Variants in MARCHF7 observed in about 807,000 individuals in gnomAD.
MARCHF7 encodes membrane associated ring-CH-type finger 7, also known as E3 ubiquitin-protein ligase MARCHF7.
MARCHF7 carries 20 observed loss-of-function variants against 76.5 expected under a neutral mutation model. That is an observed-to-expected ratio of 0.26 (90% CI 0.18 to 0.38). The LOEUF (loss-of-function observed/expected upper bound fraction) is 0.38, where lower values mean the gene tolerates loss of function less well. Ranked by LOEUF, MARCHF7 falls within the 10% of genes least tolerant of loss-of-function variation. The pLI is 1.00. For missense variants in MARCHF7, 797 were observed against 812.9 expected (o/e 0.98, Z 0.24); for synonymous variants, 295 against 293.0 (o/e 1.01, Z -0.07).
rs1446660013 is a variant in MARCHF7 at position 159,714,265 on chromosome 2, T to G, written c.-142-292T>G. 2.0e-5 allele frequency among the ~76,000 whole-genome samples: 3 copies of G among 152,268 alleles called. No homozygotes were observed. The South Asian group carries it at 6.2e-4, about 31-fold the overall frequency. On this transcript the variant is annotated intron_variant, in intron 1 of 11. Transcript: ENST00000409175. ...AATATCTTAAAACTTTTTTAGATAA[T>G]TTGTAATTTGTTGTAGTCAAATTAC...
At position 159,764,632 on chromosome 2, in the gene MARCHF7, A is replaced by G. The variant is rs983324128; in HGVS notation, c.2014A>G (p.Asn672Asp). ...NEPSTRVRFI[N>D]LARTLQAHME... ...CTTTCTGCATTGTTTCTAGTTTATT[A>G]ACCTTGCAAGAACTCTTCAGGCACA... Residue 672 changes from asparagine to aspartate, a missense_variant, in exon 11 of 12, where the codon AAC (asparagine) becomes GAC (aspartate). Asn to Asp is a conservative substitution (Grantham distance 23). Around this residue, in one of 3 missense-constraint regions of MARCHF7, gnomAD observed 124 missense variants for 121.3 expected, o/e 1.02. Transcript: ENST00000409175. 5.0e-6 allele frequency: 8 copies of G among 1,598,362 alleles called. No homozygotes were observed. Among genetic ancestry groups the G allele is most frequent in the Admixed American group, 1.7e-5 (1 of 57,394 alleles).
intron 4 of MARCHF7, among the ~76,000 whole-genome samples, chr2:159,731,693 G>A (rs1357470457): frequency 6.6e-6 from 1 of 151,660 alleles, no homozygotes; most frequent in African/African-American, 2.4e-5. Flanking sequence ...GACGGAAGTT[G>A]CCATGAGCCA....
chr2:159,715,740 T>C lies in MARCHF7; in HGVS notation c.-41T>C, dbSNP rs1473899154. 2 of 152,168 alleles carry C rather than the reference T, an allele frequency of 1.3e-5. No homozygotes were observed. Among genetic ancestry groups the C allele is most frequent in the Non-Finnish European group, 2.9e-5 (2 of 68,018 alleles). 9.4% of individuals were successfully genotyped at this position (152,168 alleles called of 1,614,324 possible). On this transcript the variant is annotated 5_prime_UTR_variant, in exon 3 of 12. Coordinates refer to ENST00000409175, the MANE Select transcript of MARCHF7 (RefSeq NM_001282805.2). Reference sequence around the variant, plus strand: ...CTGGTTTTTCCTGCCCTCAAATATATTTCTCTGACTCTACCGGTTAGACTA... The same window carrying C: ...CTGGTTTTTCCTGCCCTCAAATATACTTCTCTGACTCTACCGGTTAGACTA...
chr2:159,754,700 G>T (rs1223610375), intron 8 of MARCHF7, among the ~76,000 whole-genome samples: 1 of 152,170 alleles, frequency 6.6e-6, no homozygotes, highest in East Asian at 1.9e-4. Flanking sequence ...CAAGTTGAGT[G>T]GTTGTCCTAT....
intron 10 of MARCHF7, among the ~76,000 whole-genome samples, chr2:159,764,303 GGTTTTTT>G (rs1171076646): frequency 3.3e-5 from 5 of 150,306 alleles, no homozygotes; most frequent in East Asian, 3.9e-4. Context: ...ATACAAGGGT[GGTTTTTT>G]GTTTTTTGTT....
chr2:159,762,833 T>G (rs755085419), intron 9 of MARCHF7, 47 bp from the exon 10 acceptor site: 1 of 1,165,592 alleles, frequency 8.6e-7, no homozygotes, highest in Admixed American at 2.0e-5. Context: ...CTACTAATTT[T>G]TCATTCTCTG....
At chr2:159,743,381 C>A in intron 5 of MARCHF7, 128 bp downstream of exon 5, 1 of 770,226 alleles carries the variant, frequency 1.3e-6, no homozygotes, top group Non-Finnish European at 2.0e-6. Context: ...GTGGAATTTC[C>A]AAAATCTTAC....
chr2:159,720,962 A>G (rs924489113), intron 3 of MARCHF7, among the ~76,000 whole-genome samples: 1 of 151,802 alleles, frequency 6.6e-6, no homozygotes. Flanking sequence ...GATTCAAGCA[A>G]TTCTCCTGCC....
chr2:159,738,579 C>A (rs768056671), intron 4 of MARCHF7, among the ~76,000 whole-genome samples: 1 of 152,112 alleles, frequency 6.6e-6, no homozygotes, highest in Non-Finnish European at 1.5e-5. Flanking sequence ...GTCATCCCAA[C>A]GAGTGTGTAG....
chr2:159,716,406 G>A (rs559981888), intron 3 of MARCHF7, among the ~76,000 whole-genome samples: 1 of 152,072 alleles, frequency 6.6e-6, no homozygotes, highest in Non-Finnish European at 1.5e-5. Flanking sequence ...CAGCGCTTTG[G>A]GAGGCCGAGA....
intron 3 of MARCHF7, among the ~76,000 whole-genome samples, chr2:159,726,218 G>GGTTTTGTTTTGTTTTGTTTT (rs71969424): frequency 1.6e-5 from 2 of 127,856 alleles, no homozygotes; most frequent in African/African-American, 2.6e-5. Context: ...TCCAGATACA[G>GGTTTTGTTTTGTTTTGTTTT]GTTTTGTTTT....
chr2:159,762,258 TG>T (rs1406718869), intron 9 of MARCHF7, among the ~76,000 whole-genome samples: 1 of 152,234 alleles, frequency 6.6e-6, no homozygotes, highest in African/African-American at 2.4e-5. Flanking sequence ...CAAGGCAGCT[TG>T]GAAGTGGGAG....
In MARCHF7 at chr2:159,759,266, A is replaced by C. The variant is rs1200107709; in HGVS notation, c.1824A>C (p.Lys608Asn). ...CTGTAACCACCTGTGAACTATGTAA[A>C]GAGAAGTTGGAGCTTAACCTGGAGG... ...LEAVTTCELC[K>N]EKLELNLEDF... Residue 608 changes from lysine (K) to asparagine (N), a missense_variant, in exon 9 of 12, where the codon AAA becomes AAC. Lys to Asn is a moderately conservative substitution (Grantham distance 94, BLOSUM62 0). Around this residue, in one of 3 missense-constraint regions of MARCHF7, gnomAD observed 124 missense variants for 121.3 expected, o/e 1.02. Coordinates refer to ENST00000409175, the MANE Select transcript of MARCHF7 (RefSeq NM_001282805.2). The C allele has an allele frequency of 1.9e-6, 3 of 1,611,716 alleles. No homozygotes were observed. Among genetic ancestry groups the C allele is most frequent in the Middle Eastern group, 1.6e-4 (1 of 6,066 alleles).
At chr2:159,739,897 T>C (rs911827834) in intron 4 of MARCHF7, among the ~76,000 whole-genome samples, 3 of 152,216 alleles carry the variant, frequency 2.0e-5, no homozygotes, top group African/African-American at 7.2e-5. Flanking sequence ...GTCATGAAAA[T>C]TGTTTAATGA....
chr2:159,736,683 G>A (rs1214942788), intron 4 of MARCHF7, among the ~76,000 whole-genome samples: 2 of 152,110 alleles, frequency 1.3e-5, no homozygotes, highest in Non-Finnish European at 2.9e-5. Context: ...TGATTTCATT[G>A]ACTATACTTC....
chr2:159,761,279 C>G (rs1182653543), intron 9 of MARCHF7, among the ~76,000 whole-genome samples: 2 of 151,970 alleles, frequency 1.3e-5, no homozygotes, highest in Non-Finnish European at 2.9e-5. Context: ...CCGCCTCGGC[C>G]TCCCAAAGTG....
At position 159,764,656 on chromosome 2, in the gene MARCHF7, C is replaced by A; in HGVS notation, c.2038C>A (p.His680Asn). 1 of 1,603,078 alleles carries A rather than the reference C, an allele frequency of 6.2e-7. No individual in the cohort carries two copies. The highest frequency in any genetic ancestry group is 8.5e-7 in the Non-Finnish European group (1 of 1,175,264). Reference sequence around the variant, plus strand: ...TAACCTTGCAAGAACTCTTCAGGCACATATGGAAGATCTCGAAAGTAGGTG... The same window carrying A: ...TAACCTTGCAAGAACTCTTCAGGCAAATATGGAAGATCTCGAAAGTAGGTG... ...FINLARTLQA[H>N]MEDLETSEDD... Residue 680 changes from histidine (H) to asparagine (N), a missense_variant, in exon 11 of 12, where the codon CAT becomes AAT. Transcript: ENST00000409175.
chr2:159,750,383 G>T (rs1388457055), intron 7 of MARCHF7, among the ~76,000 whole-genome samples: 6 of 152,124 alleles, frequency 3.9e-5, no homozygotes, highest in African/African-American at 9.7e-5. Flanking sequence ...AATTTAGCTG[G>T]GTGTGGTGGC....
chr2:159,753,572 G>A (rs957899964), intron 8 of MARCHF7, among the ~76,000 whole-genome samples: 1 of 151,904 alleles, frequency 6.6e-6, no homozygotes, highest in Non-Finnish European at 1.5e-5. Flanking sequence ...AAGTTGAGAT[G>A]AGAAAGATTA....
Sources: gnomAD v4.1 joint callset for allele counts (sites outside exome capture counted in the v4.1 genomes callset) on GRCh38, gnomAD v4.1.1 for gene constraint, gnomAD v4.1.1 regional missense constraint, MANE v1.5 for transcripts, NCBI Gene and HGNC (gene_info 2026-07-23, HGNC 2026-07-21) for gene names.